Variants in FOXP2 observed in about 807,000 individuals in gnomAD.
The protein encoded by FOXP2 is forkhead box protein P2.
FOXP2 carries 12 observed loss-of-function variants against 115.8 expected under a neutral mutation model. The observed-to-expected ratio is 0.10, with a 90% CI of 0.07 to 0.17. The LOEUF (loss-of-function observed/expected upper bound fraction) is 0.17, where lower values mean the gene tolerates loss of function less well. FOXP2 is among the 10% of genes least tolerant of loss of function. The pLI, the probability that FOXP2 is intolerant of heterozygous loss-of-function variation, is 1.00. For missense variants in FOXP2, 629 were observed against 843.5 expected, an observed-to-expected ratio of 0.75 and a Z score of 3.15; for synonymous variants, 328 against 297.7, an observed-to-expected ratio of 1.10 and a Z score of -1.05.
At chr7:114,566,365 G>A (rs899703010) in intron 3 of FOXP2, among the ~76,000 whole-genome samples, 50 of 152,028 alleles carry the variant, frequency 3.3e-4, no homozygotes, top group Admixed American at 2.9e-3. Context: ...GGGGCCTCAC[G>A]GGAGGTGTTT....
chr7:114,114,669 A>G (rs1268447828), intron 1 of FOXP2, among the ~76,000 whole-genome samples: 1 of 152,090 alleles, frequency 6.6e-6, no homozygotes, highest in African/African-American at 2.4e-5. Context: ...AATGTAAAAT[A>G]TTGCTTTCTT....
chr7:114,408,025 C>G (rs1444978953), intron 2 of FOXP2, among the ~76,000 whole-genome samples: 1 of 152,068 alleles, frequency 6.6e-6, no homozygotes, highest in Non-Finnish European at 1.5e-5. Flanking sequence ...TTGTTTCACT[C>G]TATAAAATGT....
chr7:114,301,733 G>C (rs545496585), intron 2 of FOXP2, among the ~76,000 whole-genome samples: 83 of 152,198 alleles, frequency 5.5e-4, no homozygotes, highest in Non-Finnish European at 1.1e-3. Context: ...TCCTATCTTA[G>C]CAGCATAACT....
chr7:114,139,118 C>G (rs1259092501), intron 1 of FOXP2, among the ~76,000 whole-genome samples: 1 of 152,060 alleles, frequency 6.6e-6, no homozygotes, highest in Non-Finnish European at 1.5e-5. Flanking sequence ...TAACACTATG[C>G]AGAGCATACT....
Position 114,357,209 on chromosome 7 carries a change from C to T in FOXP2, c.-11+69100C>T, listed in dbSNP as rs955859181. Among the ~76,000 whole-genome samples the T allele has an allele frequency of 7.9e-5, 12 of 152,238 alleles. No individual in the cohort carries two copies. The South Asian group carries it at 2.5e-3, about 32-fold the overall frequency. ...TTTTTCATAGTAGTACTTATCGTTA[C>T]ATATATTTTGGGTGCTTAACCAGCA... On this transcript the variant is annotated intron_variant, in intron 2 of 17. Transcript: ENST00000634411.
intron 16 of FOXP2, among the ~76,000 whole-genome samples, chr7:114,680,233 G>A (rs1585022883): frequency 6.6e-6 from 1 of 152,138 alleles, no homozygotes; most frequent in African/African-American, 2.4e-5. Flanking sequence ...ATAAATTGGT[G>A]TTTTTTTGTA....
At chr7:114,463,366 C>A (rs1355689557) in intron 2 of FOXP2, among the ~76,000 whole-genome samples, 1 of 152,220 alleles carries the variant, frequency 6.6e-6, no homozygotes, top group East Asian at 1.9e-4. Flanking sequence ...ATACTCTTTG[C>A]TGTTCAACAC....
intron 2 of FOXP2, among the ~76,000 whole-genome samples, chr7:114,362,537 T>A (rs535032160): frequency 6.6e-6 from 1 of 152,046 alleles, no homozygotes; most frequent in Non-Finnish European, 1.5e-5. Context: ...GCCTGAAATA[T>A]GAAAAATGGA....
At chr7:114,305,840 C>T (rs750277097) in intron 2 of FOXP2, among the ~76,000 whole-genome samples, 1 of 152,054 alleles carries the variant, frequency 6.6e-6, no homozygotes, top group Non-Finnish European at 1.5e-5. Flanking sequence ...TACTGCTATT[C>T]CCATTTTTGA....
intron 1 of FOXP2, among the ~76,000 whole-genome samples, chr7:114,140,071 C>T (rs1792162383): frequency 6.6e-6 from 1 of 151,992 alleles, no homozygotes; most frequent in South Asian, 2.1e-4. Flanking sequence ...TGAGATCGCG[C>T]CACTGCACTC....
At chr7:114,276,718 C>G (rs942171681) in intron 1 of FOXP2, among the ~76,000 whole-genome samples, 4 of 152,090 alleles carry the variant, frequency 2.6e-5, no homozygotes, top group Non-Finnish European at 5.9e-5. Flanking sequence ...GTTTTATTGT[C>G]TACCTCTTCA....
chr7:114,680,804 T>C (rs1005821075), intron 16 of FOXP2, among the ~76,000 whole-genome samples: 24 of 149,254 alleles, frequency 1.6e-4, no homozygotes, highest in Non-Finnish European at 7.4e-5. Flanking sequence ...AAGTAGTGCA[T>C]AAATTTCAAA....
At chr7:114,684,652 G>A (rs185230152) in intron 16 of FOXP2, among the ~76,000 whole-genome samples, 1 of 152,262 alleles carries the variant, frequency 6.6e-6, no homozygotes, top group East Asian at 1.9e-4. Flanking sequence ...CAGCACTTAA[G>A]AGTTTAGCAT....
chr7:114,177,151 C>G (rs940447372), intron 1 of FOXP2, among the ~76,000 whole-genome samples: 1 of 152,108 alleles, frequency 6.6e-6, no homozygotes, highest in African/African-American at 2.4e-5. Flanking sequence ...TAATACTGCT[C>G]TGAAGATTAT....
At chr7:114,352,409 A>T (rs1791514968) in intron 2 of FOXP2, among the ~76,000 whole-genome samples, 1 of 152,210 alleles carries the variant, frequency 6.6e-6, no homozygotes. Context: ...CCAGTGATTA[A>T]TCCAGAGGCA....
chr7:114,292,949 G>A (rs1490427164), intron 2 of FOXP2, among the ~76,000 whole-genome samples: 1 of 152,074 alleles, frequency 6.6e-6, no homozygotes, highest in African/African-American at 2.4e-5. Flanking sequence ...TCGTATATTG[G>A]CTCAGTAATT....
At chr7:114,629,328 A>G (rs1233062292) in intron 4 of FOXP2, among the ~76,000 whole-genome samples, 3 of 152,152 alleles carry the variant, frequency 2.0e-5, no homozygotes, top group African/African-American at 7.2e-5. Flanking sequence ...GAAATTTTTT[A>G]TATATAATTA....
chr7:114,190,310 G>A (rs1372593261), intron 1 of FOXP2, among the ~76,000 whole-genome samples: 1 of 152,168 alleles, frequency 6.6e-6, no homozygotes, highest in Non-Finnish European at 1.5e-5. Flanking sequence ...CCTTCACCGT[G>A]GAGGGTGGGC....
chr7:114,229,945 A>C (rs946862924), intron 1 of FOXP2, among the ~76,000 whole-genome samples: 2 of 151,834 alleles, frequency 1.3e-5, no homozygotes, highest in Non-Finnish European at 3.0e-5. Context: ...AAAATCAACA[A>C]AACTAATAGT....
Sources: allele counts gnomAD v4.1 joint callset (sites outside exome capture counted in the v4.1 genomes callset), GRCh38; gene constraint gnomAD v4.1.1; transcripts MANE v1.5; gene names NCBI Gene and HGNC (gene_info 2026-07-23, HGNC 2026-07-21).